Variants in NTM observed in about 807,000 individuals in gnomAD.
NTM encodes neurotrimin.
A neutral mutation model predicts 42.1 loss-of-function variants in NTM; 13 were observed. The observed-to-expected ratio is 0.31, with a 90% CI of 0.20 to 0.49. The LOEUF (loss-of-function observed/expected upper bound fraction) is 0.49. Ranked by LOEUF, NTM falls within the 20% of genes least tolerant of loss-of-function variation. The probability of loss-of-function intolerance (pLI) is 0.99; values close to 1 mark genes in which losing one functional copy is unlikely to be tolerated. For missense variants in NTM, 373 were observed against 452.8 expected (o/e 0.82, Z 1.60); for synonymous variants, 187 against 179.2 (o/e 1.04, Z -0.35).
chr11:131,996,502 G>A (rs181108337), intron 2 of NTM, among the ~76,000 whole-genome samples: 48 of 152,126 alleles, frequency 3.2e-4, no homozygotes, highest in South Asian at 1.5e-3. Context: ...GAAAACTCCC[G>A]TCCATTCATT....
chr11:131,519,124 C>T (rs376461443), intron 1 of NTM, among the ~76,000 whole-genome samples: 132 of 152,334 alleles, frequency 8.7e-4, no homozygotes, highest in African/African-American at 2.7e-3. Flanking sequence ...GAATCAGATG[C>T]GCTCTCCTCA....
intron 1 of NTM, among the ~76,000 whole-genome samples, chr11:131,691,426 C>T (rs1389126750): frequency 2.0e-5 from 3 of 152,224 alleles, no homozygotes; most frequent in Non-Finnish European, 4.4e-5. Context: ...ACGAGGAGCT[C>T]CGGGTCCAGG....
intron 1 of NTM, among the ~76,000 whole-genome samples, chr11:131,859,858 C>A (rs2136942099): frequency 6.7e-6 from 1 of 149,856 alleles, no homozygotes; most frequent in East Asian, 1.9e-4. Flanking sequence ...AAGTGCCTCC[C>A]CTTTTTTTTT....
At chr11:132,088,066 C>A (rs1277247292) in intron 2 of NTM, among the ~76,000 whole-genome samples, 1 of 152,180 alleles carries the variant, frequency 6.6e-6, no homozygotes, top group Non-Finnish European at 1.5e-5. Context: ...GGGCAGGGAG[C>A]CACCACTCAC....
chr11:132,178,274 CT>C (rs2077095263), intron 3 of NTM, among the ~76,000 whole-genome samples: 1 of 152,076 alleles, frequency 6.6e-6, no homozygotes, highest in African/African-American at 2.4e-5. Flanking sequence ...GAAAGATAAA[CT>C]TTAATAATAT....
chr11:131,609,620 T>G (rs1341305897), intron 1 of NTM, among the ~76,000 whole-genome samples: 1 of 152,262 alleles, frequency 6.6e-6, no homozygotes, highest in Non-Finnish European at 1.5e-5. Context: ...TGGTTTGCAT[T>G]TGAGCTGGAT....
chr11:131,960,029 A>T (rs1324912694), intron 2 of NTM, among the ~76,000 whole-genome samples: 1 of 152,168 alleles, frequency 6.6e-6, no homozygotes, highest in African/African-American at 2.4e-5. Context: ...TGTTATCCAT[A>T]ACAATCCTGG....
chr11:131,763,709 C>CTTTTTTTTT (rs557522093), intron 1 of NTM, among the ~76,000 whole-genome samples: 844 of 71,200 alleles, frequency 0.012, 116 homozygotes, highest in Middle Eastern at 0.045. Context: ...ATCTCTCTCT[C>CTTTTTTTTT]TTTTTTTTTT....
chr11:131,857,119 C>A (rs778703385), intron 1 of NTM, among the ~76,000 whole-genome samples: 8 of 152,202 alleles, frequency 5.3e-5, no homozygotes, highest in Non-Finnish European at 1.0e-4. Context: ...TGTCACTGGG[C>A]AGTTGTCACC....
intron 2 of NTM, among the ~76,000 whole-genome samples, chr11:131,982,920 A>G (rs1324194359): frequency 1.3e-5 from 2 of 152,170 alleles, no homozygotes; most frequent in Non-Finnish European, 2.9e-5. Flanking sequence ...TATGATTTTC[A>G]TTTACCTAAA....
Position 131,706,979 on chromosome 11 carries a change from T to C in NTM, c.83-204585T>C, listed in dbSNP as rs185657820. Among the ~76,000 whole-genome samples, 298 of 152,218 alleles carry C rather than the reference T, an allele frequency of 2.0e-3. 1 individual carries two copies. The highest frequency in any genetic ancestry group is 6.4e-3 in the African/African-American group (266 of 41,578). On this transcript the variant is annotated intron_variant, in intron 1 of 8. Coordinates refer to ENST00000683400, the MANE Select transcript of NTM (RefSeq NM_001352005.2). ...TATTTTAACCTCACTACTTATCATTTCTTTGTGATGATAACTTTTAAATTT... is the reference window on the plus strand; with the variant it reads ...TATTTTAACCTCACTACTTATCATTCCTTTGTGATGATAACTTTTAAATTT...
chr11:132,274,276 G>T (rs2093623521), intron 4 of NTM, among the ~76,000 whole-genome samples: 1 of 151,270 alleles, frequency 6.6e-6, no homozygotes, highest in African/African-American at 2.4e-5. Flanking sequence ...ATGCCTTTTT[G>T]TCCAGTGTAT....
At position 131,421,306 on chromosome 11, in the gene NTM, T is replaced by C. The variant is rs560999287; in HGVS notation, c.82+50418T>C. 9.2e-5 allele frequency among the ~76,000 whole-genome samples: 14 copies of C among 152,344 alleles called. No individual in the cohort carries two copies. In the South Asian group the frequency reaches 2.9e-3, roughly 32 times the overall value. On this transcript the variant is annotated intron_variant, in intron 1 of 8. Transcript: ENST00000683400. ...TTTCTGTGAAGCGACAGGGTTCACC[T>C]GTGCAAGAGAGGACAGAGGCATCTA...
intron 1 of NTM, among the ~76,000 whole-genome samples, chr11:131,442,801 T>A: frequency 6.6e-6 from 1 of 151,882 alleles, no homozygotes; most frequent in South Asian, 2.1e-4. Context: ...CGTGTATATA[T>A]TATATATATG....
At chr11:131,908,988 A>AT (rs1194409421) in intron 1 of NTM, among the ~76,000 whole-genome samples, 1 of 152,252 alleles carries the variant, frequency 6.6e-6, no homozygotes, top group African/African-American at 2.4e-5. Context: ...ATATCAAATG[A>AT]TCCCCAGTGG....
At chr11:131,983,501 A>G (rs1009999097) in intron 2 of NTM, among the ~76,000 whole-genome samples, 1 of 149,438 alleles carries the variant, frequency 6.7e-6, no homozygotes, top group Non-Finnish European at 1.5e-5. Context: ...TCAGCCTCCC[A>G]AGTAGCTGGG....
At chr11:131,489,825 C>T (rs780910048) in intron 1 of NTM, among the ~76,000 whole-genome samples, 2 of 152,228 alleles carry the variant, frequency 1.3e-5, no homozygotes, top group Admixed American at 6.5e-5. Flanking sequence ...CTCCATTCTC[C>T]GAGCCTCTCC....
intron 1 of NTM, among the ~76,000 whole-genome samples, chr11:131,667,622 G>T (rs890478611): frequency 6.6e-6 from 1 of 152,158 alleles, no homozygotes. Context: ...CCCAGAGAAA[G>T]TTTCCTGCCT....
chr11:131,995,291 G>A (rs1261125010), intron 2 of NTM, among the ~76,000 whole-genome samples: 1 of 152,110 alleles, frequency 6.6e-6, no homozygotes, highest in Non-Finnish European at 1.5e-5. Context: ...CCACACAGTG[G>A]TCCAGGTGCT....
Sources: allele counts gnomAD v4.1 joint callset (sites outside exome capture counted in the v4.1 genomes callset), GRCh38; gene constraint gnomAD v4.1.1; transcripts MANE v1.5; gene names NCBI Gene and HGNC (gene_info 2026-07-23, HGNC 2026-07-21).